The following MSI2 variants were observed in gnomAD, a reference collection of about 807,000 sequenced individuals.
The protein encoded by MSI2 is RNA-binding protein Musashi homolog 2.
In MSI2, 17 loss-of-function variants were observed where a neutral mutation model predicts 45.6. The observed-to-expected ratio is 0.37, with a 90% CI of 0.26 to 0.56. The LOEUF (loss-of-function observed/expected upper bound fraction) is 0.56. Ranked by LOEUF, MSI2 falls within the 20% of genes least tolerant of loss-of-function variation. MSI2 has a pLI of 0.77. For synonymous variants in MSI2, 156 were observed against 158.2 expected (o/e 0.99, Z 0.11); for missense variants, 293 against 444.2 (o/e 0.66, Z 3.06).
At chr17:57,508,334 T>C (rs543227621) in intron 6 of MSI2, among the ~76,000 whole-genome samples, 48 of 151,642 alleles carry the variant, frequency 3.2e-4, no homozygotes, top group Non-Finnish European at 1.8e-4. Flanking sequence ...GCCCCTACCA[T>C]GTACAGAATT....
intron 5 of MSI2, among the ~76,000 whole-genome samples, chr17:57,363,539 A>C (rs1184295116): frequency 6.6e-6 from 1 of 152,214 alleles, no homozygotes; most frequent in Non-Finnish European, 1.5e-5. Flanking sequence ...GGAGTTCGAG[A>C]CCAGCATGGC....
chr17:57,568,838 G>C (rs1412774000), intron 7 of MSI2, among the ~76,000 whole-genome samples: 1 of 152,206 alleles, frequency 6.6e-6, no homozygotes, highest in African/African-American at 2.4e-5. Context: ...TGGGCCTCCA[G>C]GGGGCTGGAG....
intron 5 of MSI2, among the ~76,000 whole-genome samples, chr17:57,340,060 T>C (rs1179368547): frequency 3.3e-5 from 5 of 152,186 alleles, no homozygotes; most frequent in Admixed American, 1.3e-4. Context: ...CTTCCTAGCT[T>C]GTTGACCTTG....
intron 6 of MSI2, among the ~76,000 whole-genome samples, chr17:57,439,985 A>G (rs151332885): frequency 5.9e-5 from 9 of 152,192 alleles, no homozygotes; most frequent in African/African-American, 2.2e-4. Flanking sequence ...TTCAATACCA[A>G]TGGTTATCTC....
At chr17:57,499,910 A>G (rs1026212478) in intron 6 of MSI2, among the ~76,000 whole-genome samples, 1 of 151,920 alleles carries the variant, frequency 6.6e-6, no homozygotes, top group African/African-American at 2.4e-5. Flanking sequence ...TGGAGCACAA[A>G]TGTTTCCACA....
At chr17:57,563,607 A>T (rs2087641915) in intron 7 of MSI2, among the ~76,000 whole-genome samples, 1 of 152,134 alleles carries the variant, frequency 6.6e-6, no homozygotes, top group African/African-American at 2.4e-5. Flanking sequence ...CCATGTCAGT[A>T]ATCTCCAGTC....
chr17:57,333,409 C>G (rs1298115258), intron 5 of MSI2, among the ~76,000 whole-genome samples: 1 of 151,734 alleles, frequency 6.6e-6, no homozygotes, highest in South Asian at 2.1e-4. Flanking sequence ...CTTAATCTAC[C>G]AAGCCAACTT....
rs576023956 is a variant in MSI2, at chr17:57,552,007, C to A, written c.454+22283C>A. ...CAGCTCCAAAGGGTTGCCTCCTACT[C>A]CACTTGCTGCATAGAGGGGTTTTCT... is the stretch of plus-strand genomic sequence containing the variant. On this transcript the variant is annotated intron_variant, in intron 7 of 13. Coordinates refer to ENST00000284073, the MANE Select transcript of MSI2 (RefSeq NM_138962.4). This position sits in a 1 kb window ranked among gnomAD's most constrained non-coding sequence, Gnocchi z 4.3. 6.6e-6 allele frequency among the ~76,000 whole-genome samples: 1 copy of A among 152,300 alleles called. No homozygotes were observed. Among genetic ancestry groups the A allele is most frequent in the South Asian group, 2.1e-4 (1 of 4,826 alleles).
intron 6 of MSI2, among the ~76,000 whole-genome samples, chr17:57,452,007 G>A (rs904177862): frequency 6.6e-6 from 1 of 152,198 alleles, no homozygotes; most frequent in Non-Finnish European, 1.5e-5. Flanking sequence ...TTTGCTGACC[G>A]TTCTCAGGGG....
At chr17:57,423,519 C>G (rs2084434511) in intron 6 of MSI2, among the ~76,000 whole-genome samples, 3 of 152,206 alleles carry the variant, frequency 2.0e-5, no homozygotes. Flanking sequence ...CCTGCTCATG[C>G]CTTTCCACAA....
intron 6 of MSI2, among the ~76,000 whole-genome samples, chr17:57,520,821 A>ATT (rs10602873): frequency 0.024 from 3,630 of 150,160 alleles, 68 homozygotes; most frequent in Non-Finnish European, 0.033. Context: ...ACCCAACTAA[A>ATT]TTTTTTTTTT....
intron 4 of MSI2, among the ~76,000 whole-genome samples, chr17:57,258,933 G>A (rs1005039909): frequency 1.3e-4 from 18 of 140,226 alleles, no homozygotes; most frequent in African/African-American, 5.2e-4. Context: ...ATAAGGCCTG[G>A]GGGTTTCAAA....
chr17:57,479,186 C>G (rs2085600450), intron 6 of MSI2, among the ~76,000 whole-genome samples: 1 of 152,126 alleles, frequency 6.6e-6, no homozygotes, highest in Non-Finnish European at 1.5e-5. Context: ...GGAGGACTGA[C>G]AGCAATCAGG....
intron 6 of MSI2, among the ~76,000 whole-genome samples, chr17:57,404,735 G>A (rs1378283710): frequency 6.6e-6 from 1 of 152,084 alleles, no homozygotes; most frequent in Non-Finnish European, 1.5e-5. Flanking sequence ...CTATCAAGGG[G>A]CTGAGCTAAG....
intron 5 of MSI2, among the ~76,000 whole-genome samples, chr17:57,351,536 C>T (rs749401043): frequency 1.3e-5 from 2 of 152,212 alleles, no homozygotes; most frequent in Admixed American, 6.5e-5. Flanking sequence ...GAGCCCCCAC[C>T]TACTTAGCTC....
At chr17:57,323,143 C>T (rs1451493840) in intron 5 of MSI2, among the ~76,000 whole-genome samples, 1 of 151,964 alleles carries the variant, frequency 6.6e-6, no homozygotes, top group East Asian at 1.9e-4. Context: ...AGATCAAAAG[C>T]CAAAAAGAAA....
chr17:57,330,708 A>C (rs1014710617), intron 5 of MSI2, among the ~76,000 whole-genome samples: 1 of 151,976 alleles, frequency 6.6e-6, no homozygotes, highest in Non-Finnish European at 1.5e-5. Flanking sequence ...AAGTGGGTGG[A>C]TGGTTTCAAA....
intron 7 of MSI2, among the ~76,000 whole-genome samples, chr17:57,579,273 C>A (rs541957736): frequency 6.6e-6 from 1 of 152,132 alleles, no homozygotes. Flanking sequence ...GGCAGAATGG[C>A]CGTAACATGG....
intron 6 of MSI2, among the ~76,000 whole-genome samples, chr17:57,445,953 T>C (rs1467014888): frequency 6.6e-6 from 1 of 152,214 alleles, no homozygotes; most frequent in Non-Finnish European, 1.5e-5. Flanking sequence ...ATGCCCTGTC[T>C]CTGCCAGGCA....
Sources: allele counts gnomAD v4.1 joint callset (sites outside exome capture counted in the v4.1 genomes callset), GRCh38; gene constraint gnomAD v4.1.1; non-coding constraint Gnocchi (gnomAD v3.1); transcripts MANE v1.5; gene names NCBI Gene and HGNC (gene_info 2026-07-23, HGNC 2026-07-21).